ROBO2: variants seen among roughly 807,000 people sequenced by gnomAD.
ROBO2 encodes roundabout homolog 2.
A neutral mutation model predicts 160.8 loss-of-function variants in ROBO2; 53 were observed. The ratio of observed to expected loss-of-function variants is 0.33; its 90% CI spans 0.26 to 0.41. The LOEUF (loss-of-function observed/expected upper bound fraction) is 0.41. ROBO2 is among the 10% of genes least tolerant of loss of function. The pLI, the probability that ROBO2 is intolerant of heterozygous loss-of-function variation, is 1.00. For synonymous variants in ROBO2, 664 were observed against 611.7 expected, an observed-to-expected ratio of 1.09 and a Z score of -1.26; for missense variants, 1,577 against 1,722.4, an observed-to-expected ratio of 0.92 and a Z score of 1.49.
chr3:76,796,541 G>GGA (rs2063717470), intron 2 of ROBO2, among the ~76,000 whole-genome samples: 5 of 139,628 alleles, frequency 3.6e-5, no homozygotes, highest in Admixed American at 3.5e-4. Context: ...GGAAGGAAGG[G>GGA]AGGAGCCACA....
chr3:76,181,819 A>C (rs987834850), intron 2 of ROBO2, among the ~76,000 whole-genome samples: 1 of 133,574 alleles, frequency 7.5e-6, no homozygotes, highest in African/African-American at 2.5e-5. Context: ...GAAAAGGATG[A>C]TATCATCTGT....
At chr3:76,211,856 T>C (rs912199839) in intron 2 of ROBO2, among the ~76,000 whole-genome samples, 1 of 152,016 alleles carries the variant, frequency 6.6e-6, no homozygotes, top group Non-Finnish European at 1.5e-5. Context: ...ATCAGAGTAG[T>C]TGCAAATTAG....
At chr3:76,628,240 G>A (rs138229814) in intron 2 of ROBO2, among the ~76,000 whole-genome samples, 4 of 151,762 alleles carry the variant, frequency 2.6e-5, no homozygotes, top group South Asian at 2.1e-4. Flanking sequence ...TAAAAACAAC[G>A]TGTGTTTTTT....
At chr3:76,745,350 T>A (rs954949597) in intron 2 of ROBO2, among the ~76,000 whole-genome samples, 10 of 151,952 alleles carry the variant, frequency 6.6e-5, no homozygotes. Context: ...CAACAGCTGG[T>A]GTGATTTCAG....
intron 14 of ROBO2, among the ~76,000 whole-genome samples, chr3:77,577,176 C>T (rs1013997418): frequency 1.3e-5 from 2 of 152,046 alleles, no homozygotes; most frequent in Non-Finnish European, 2.9e-5. Context: ...GTTGTTTCTA[C>T]CTCCTGAGAT....
At chr3:77,235,353 A>ATTT (rs1363911094) in intron 2 of ROBO2, among the ~76,000 whole-genome samples, 2 of 136,218 alleles carry the variant, frequency 1.5e-5, no homozygotes, top group Non-Finnish European at 1.7e-5. Context: ...TGAGAGGAGA[A>ATTT]TATTTTTTTT....
chr3:77,275,463 C>A (rs1380087905), intron 2 of ROBO2, among the ~76,000 whole-genome samples: 1 of 152,108 alleles, frequency 6.6e-6, no homozygotes, highest in Admixed American at 6.5e-5. Flanking sequence ...TACTTTGTGG[C>A]TAAAGATATT....
chr3:76,096,027 A>G (rs1470291413), intron 2 of ROBO2, among the ~76,000 whole-genome samples: 1 of 152,206 alleles, frequency 6.6e-6, no homozygotes, highest in African/African-American at 2.4e-5. Flanking sequence ...CTCATAAGGT[A>G]TAACATAACA....
At chr3:77,028,797 A>G (rs1559866333) in intron 2 of ROBO2, among the ~76,000 whole-genome samples, 1 of 152,154 alleles carries the variant, frequency 6.6e-6, no homozygotes, top group Non-Finnish European at 1.5e-5. Flanking sequence ...CTTTCCTCCA[A>G]TTTTGATTCC....
intron 2 of ROBO2, among the ~76,000 whole-genome samples, chr3:77,252,822 A>AAAAAAAAAAC (rs2090500233): frequency 1.1e-5 from 1 of 91,822 alleles, no homozygotes; most frequent in African/African-American, 3.8e-5. Flanking sequence ...AAAAAAAAAA[A>AAAAAAAAAAC]AAAAAAAAAA....
intron 2 of ROBO2, among the ~76,000 whole-genome samples, chr3:76,825,596 T>C (rs1361505428): frequency 1.1e-5 from 1 of 93,230 alleles, no homozygotes; most frequent in Non-Finnish European, 2.1e-5. Flanking sequence ...CCTTTCATCA[T>C]CTTAGCCAAA....
chr3:76,993,914 G>T (rs6419722), intron 2 of ROBO2, among the ~76,000 whole-genome samples: 143,340 of 151,618 alleles, frequency 0.95, 67,879 homozygotes, highest in East Asian at 1. Flanking sequence ...TGTAAGAATA[G>T]TTAAAGCTCT....
intron 2 of ROBO2, among the ~76,000 whole-genome samples, chr3:77,215,780 G>A (rs1465901173): frequency 1.3e-5 from 2 of 152,124 alleles, no homozygotes; most frequent in East Asian, 3.9e-4. Flanking sequence ...CTTTCTGTTT[G>A]TTAGTTTTTC....
At chr3:76,316,063 A>G (rs1045323534) in intron 2 of ROBO2, among the ~76,000 whole-genome samples, 1 of 152,174 alleles carries the variant, frequency 6.6e-6, no homozygotes, top group Non-Finnish European at 1.5e-5. Flanking sequence ...AGTAGATCAC[A>G]TGCTTCTGAG....
At chr3:76,589,880 T>TA (rs1308667842) in intron 2 of ROBO2, among the ~76,000 whole-genome samples, 2 of 152,182 alleles carry the variant, frequency 1.3e-5, no homozygotes, top group Non-Finnish European at 2.9e-5. Context: ...CAAGTTTCTT[T>TA]AAAAATGTTG....
At chr3:75,984,929 G>A (rs2065374355) in intron 2 of ROBO2, among the ~76,000 whole-genome samples, 3 of 151,332 alleles carry the variant, frequency 2.0e-5, no homozygotes, top group Admixed American at 6.6e-5. Flanking sequence ...TGGAACATAA[G>A]GGTAATACTC....
intron 23 of ROBO2, among the ~76,000 whole-genome samples, chr3:77,628,254 A>G (rs746971856): frequency 2.6e-5 from 4 of 152,212 alleles, no homozygotes; most frequent in East Asian, 3.8e-4. Flanking sequence ...TCAAATTGGT[A>G]TGGAGTGCTT....
At chr3:77,481,976 A>G (rs2084751259) in intron 4 of ROBO2, among the ~76,000 whole-genome samples, 1 of 152,148 alleles carries the variant, frequency 6.6e-6, no homozygotes, top group African/African-American at 2.4e-5. Flanking sequence ...GAAAAAATAG[A>G]TATGCTAAAG....
intron 2 of ROBO2, among the ~76,000 whole-genome samples, chr3:76,605,061 C>A (rs999599782): frequency 6.6e-6 from 1 of 152,082 alleles, no homozygotes; most frequent in African/African-American, 2.4e-5. Flanking sequence ...TCCAGCAAGA[C>A]ATTCTACAAA....
Sources: gnomAD v4.1 joint callset for allele counts (sites outside exome capture counted in the v4.1 genomes callset) on GRCh38, gnomAD v4.1.1 for gene constraint, MANE v1.5 for transcripts, NCBI Gene and HGNC (gene_info 2026-07-23, HGNC 2026-07-21) for gene names.